MAGI1: variants seen among roughly 807,000 people sequenced by gnomAD.
MAGI1 encodes the protein membrane-associated guanylate kinase, WW and PDZ domain-containing protein 1.
Under a neutral mutation model 139.9 loss-of-function variants are expected in MAGI1, and 58 were observed. That is an observed-to-expected ratio of 0.41 (90% CI 0.34 to 0.52). MAGI1 has a LOEUF of 0.52. Ranked by LOEUF, MAGI1 falls within the 20% of genes least tolerant of loss-of-function variation. The pLI, the probability that MAGI1 is intolerant of heterozygous loss-of-function variation, is 0.12. For missense variants in MAGI1, 1,874 were observed against 1,901.6 expected (o/e 0.99, Z 0.27); for synonymous variants, 812 against 737.9 (o/e 1.10, Z -1.63).
chr3:65,751,917 A>G (rs2036184083), intron 1 of MAGI1, among the ~76,000 whole-genome samples: 1 of 152,134 alleles, frequency 6.6e-6, no homozygotes, highest in African/African-American at 2.4e-5. Flanking sequence ...AAAGCTACTT[A>G]TCCTTAAAGA....
At position 66,038,143 on chromosome 3, in the gene MAGI1, G is replaced by A. The variant is rs1223757564; in HGVS notation, c.166C>T (p.Pro56Ser). 1.2e-6 allele frequency: 2 copies of A among 1,611,994 alleles called. No homozygotes were observed. Among genetic ancestry groups the A allele is most frequent in the Non-Finnish European group, 1.7e-6 (2 of 1,179,448 alleles). Reference sequence around the variant, plus strand: ...AGCCTCGGGCCCTCGCCGCCGCCGGGAAGCCCCGCTGCCTCGACCGCCGCC... The same window carrying A: ...AGCCTCGGGCCCTCGCCGCCGCCGGAAAGCCCCGCTGCCTCGACCGCCGCC... ...AVAAVEAAGL[P>S]GGGEGPRLGE... is the part of the protein sequence containing the mutation. Residue 56 changes from proline to serine, a missense_variant, in exon 1 of 23, where the codon CCC (proline) becomes TCC (serine). Pro to Ser is a moderately conservative substitution (Grantham distance 74). Coordinates refer to ENST00000402939, the MANE Select transcript of MAGI1 (RefSeq NM_001033057.2).
chr3:65,493,826 C>A (rs1952229767), intron 2 of MAGI1, among the ~76,000 whole-genome samples, 195 bp from the exon 3 acceptor site: 1 of 152,202 alleles, frequency 6.6e-6, no homozygotes, highest in East Asian at 1.9e-4. Flanking sequence ...TTTCCACACT[C>A]TAGTGCCTGG....
intron 2 of MAGI1, among the ~76,000 whole-genome samples, chr3:65,593,569 GT>G (rs1559701664): frequency 1.3e-5 from 2 of 152,068 alleles, no homozygotes; most frequent in African/African-American, 2.4e-5. Flanking sequence ...ACAAACTTAT[GT>G]TTCATTTTCT....
At chr3:66,031,746 A>T (rs1049138750) in intron 1 of MAGI1, among the ~76,000 whole-genome samples, 6 of 151,538 alleles carry the variant, frequency 4.0e-5, no homozygotes, top group Non-Finnish European at 7.4e-5. Context: ...CTAAAATTGG[A>T]TTGTGTTCTG....
At chr3:65,567,851 C>CA (rs995743317) in intron 2 of MAGI1, among the ~76,000 whole-genome samples, 4 of 151,426 alleles carry the variant, frequency 2.6e-5, no homozygotes, top group East Asian at 1.9e-4. Context: ...ACAAAAACAA[C>CA]AAAAAAAAGG....
chr3:65,703,789 T>C (rs1225155294), intron 1 of MAGI1, among the ~76,000 whole-genome samples: 1 of 152,174 alleles, frequency 6.6e-6, no homozygotes, highest in Non-Finnish European at 1.5e-5. Flanking sequence ...ACCAACTTGC[T>C]TGGGTAAATG....
chr3:65,549,117 G>A (rs2079678648), intron 2 of MAGI1, among the ~76,000 whole-genome samples: 1 of 152,100 alleles, frequency 6.6e-6, no homozygotes, highest in Non-Finnish European at 1.5e-5. Flanking sequence ...CGCGGGCCGA[G>A]ATGCTCGCCC....
intron 6 of MAGI1, among the ~76,000 whole-genome samples, chr3:65,449,003 G>T (rs1439009814): frequency 2.0e-5 from 3 of 151,860 alleles, no homozygotes; most frequent in African/African-American, 7.3e-5. Flanking sequence ...GCCCAGTGTA[G>T]CCTTCTGCAC....
rs1372187907 is a variant in MAGI1, at chr3:65,800,909, T to C, written c.314-178821A>G. Among the ~76,000 whole-genome samples the C allele has an allele frequency of 2.6e-5, 4 of 152,162 alleles. No individual in the cohort carries two copies. In the South Asian group the frequency reaches 6.2e-4, roughly 24 times the overall value. Reference sequence around the variant, plus strand: ...TTGTGGTTTTCGCCATTAAAAGTAATAGTAAAAACCGCAGTCACTTCTGCA... The same window carrying C: ...TTGTGGTTTTCGCCATTAAAAGTAACAGTAAAAACCGCAGTCACTTCTGCA... On this transcript the variant is annotated intron_variant, in intron 1 of 22. Coordinates refer to ENST00000402939, the MANE Select transcript of MAGI1 (RefSeq NM_001033057.2).
chr3:65,939,821 T>C (rs1338972027), intron 1 of MAGI1, among the ~76,000 whole-genome samples: 1 of 152,194 alleles, frequency 6.6e-6, no homozygotes, highest in African/African-American at 2.4e-5. Context: ...ACATTCCTCA[T>C]AGTATTTGAA....
At chr3:65,750,359 T>C (rs2036046239) in intron 1 of MAGI1, among the ~76,000 whole-genome samples, 1 of 152,166 alleles carries the variant, frequency 6.6e-6, no homozygotes, top group South Asian at 2.1e-4. Context: ...GAAAGGGATC[T>C]TTAATGATGC....
intron 2 of MAGI1, among the ~76,000 whole-genome samples, chr3:65,577,049 C>T (rs79812082): frequency 6.1e-4 from 93 of 152,242 alleles, no homozygotes; most frequent in Middle Eastern, 3.4e-3. Flanking sequence ...ACATTAAGTT[C>T]GATCCACATA....
rs761508333 is a variant in MAGI1 at position 65,429,822 on chromosome 3, T to C, written c.1865A>G (p.His622Arg). 4 of 1,614,012 alleles carry C rather than the reference T, an allele frequency of 2.5e-6. No individual in the cohort carries two copies. Among genetic ancestry groups the C allele is most frequent in the East Asian group, 4.5e-5 (2 of 44,836 alleles). The change falls in exon 12 of 23, where the codon CAT becomes CGT. Residue 622 changes from histidine to arginine, a missense_variant. Around this residue, in one of 5 missense-constraint regions of MAGI1, gnomAD observed 482 missense variants for 509.6 expected, o/e 0.95. Transcript: ENST00000402939. ...AGAAACAGTGTCATTAGGATAACCA[T>C]GAGAACTATTTGAAGCCACGTCCGC... ...SPADVASNSS[H>R]GYPNDTVSLA...
At chr3:65,411,177 C>T (rs973379790) in intron 12 of MAGI1, among the ~76,000 whole-genome samples, 3 of 152,148 alleles carry the variant, frequency 2.0e-5, no homozygotes, top group African/African-American at 7.2e-5. Context: ...TCTAGGAAAG[C>T]TCTCTAACTT....
chr3:65,878,813 GA>G (rs2060218541), intron 1 of MAGI1, among the ~76,000 whole-genome samples: 1 of 152,156 alleles, frequency 6.6e-6, no homozygotes, highest in African/African-American at 2.4e-5. Context: ...TGCCTGGACT[GA>G]TTTAACGACC....
At chr3:65,683,962 T>TGG (rs1261293808) in intron 1 of MAGI1, among the ~76,000 whole-genome samples, 25 of 148,302 alleles carry the variant, frequency 1.7e-4, no homozygotes, top group African/African-American at 4.5e-4. Context: ...CCCAGGAGTT[T>TGG]GATACCAGCC....
chr3:65,542,838 T>C (rs2079305999), intron 2 of MAGI1, among the ~76,000 whole-genome samples: 1 of 152,166 alleles, frequency 6.6e-6, no homozygotes, highest in Non-Finnish European at 1.5e-5. Flanking sequence ...GACATAAGCA[T>C]GGGCAAAGAC....
chr3:65,551,961 C>T (rs77688374), intron 2 of MAGI1, among the ~76,000 whole-genome samples: 3,184 of 152,248 alleles, frequency 0.021, 109 homozygotes, highest in African/African-American at 0.072. Context: ...AAGCCTGATG[C>T]TGATAAGAGG....
rs1345266520 is a variant in MAGI1 at position 65,375,750 on chromosome 3, C to G, written c.3191G>C (p.Gly1064Ala). 6.2e-7 allele frequency: 1 copy of G among 1,610,438 alleles called. No individual in the cohort carries two copies. The highest frequency in any genetic ancestry group is 8.5e-7 in the Non-Finnish European group (1 of 1,177,008). The stretch of plus-strand genomic sequence containing the variant: ...AGATAATAGGTATACTTTACCATCC[C>G]CAGGAATGATGCGGAGGGTAACTGT... ...GNTVTLRIIP[G>A]DESSNATLLT... Residue 1064 changes from glycine (G) to alanine (A), a missense_variant, in exon 18 of 23, where the codon GGG (glycine) becomes GCG (alanine). Coordinates refer to ENST00000402939, the MANE Select transcript of MAGI1 (RefSeq NM_001033057.2).
Sources: gnomAD v4.1 joint callset for allele counts (sites outside exome capture counted in the v4.1 genomes callset) on GRCh38, gnomAD v4.1.1 for gene constraint, gnomAD v4.1.1 regional missense constraint, MANE v1.5 for transcripts, NCBI Gene and HGNC (gene_info 2026-07-23, HGNC 2026-07-21) for gene names.